The following CNTN1 variants were observed in gnomAD, a reference collection of about 807,000 sequenced individuals.
The protein encoded by CNTN1 is contactin-1.
CNTN1 carries 38 observed loss-of-function variants against 126.4 expected under a neutral mutation model. That is an observed-to-expected ratio of 0.30 (90% CI 0.23 to 0.39). CNTN1 has a LOEUF of 0.39. Among genes scored for constraint, CNTN1 ranks in the 10% least tolerant of loss-of-function variants. The pLI, the probability that CNTN1 is intolerant of heterozygous loss-of-function variation, is 1.00. For synonymous variants in CNTN1, 413 were observed against 422.6 expected (o/e 0.98, Z 0.28); for missense variants, 1,009 against 1,248.4 (o/e 0.81, Z 2.89).
intron 4 of CNTN1, among the ~76,000 whole-genome samples, chr12:40,921,803 T>C (rs1945452296): frequency 6.6e-6 from 1 of 152,120 alleles, no homozygotes. Context: ...CACTGTCAAT[T>C]AGTTTGTTTT....
At chr12:40,888,956 C>A (rs1028830102) in intron 1 of CNTN1, among the ~76,000 whole-genome samples, 6 of 152,254 alleles carry the variant, frequency 3.9e-5, no homozygotes, top group Admixed American at 6.5e-5. Context: ...TCGGTTCACT[C>A]CACAGCGTCT....
At chr12:40,987,106 G>A (rs1206040295) in intron 16 of CNTN1, among the ~76,000 whole-genome samples, 1 of 152,048 alleles carries the variant, frequency 6.6e-6, no homozygotes, top group Non-Finnish European at 1.5e-5. Flanking sequence ...GTTCTCTTGT[G>A]ACTGCATCCT....
At chr12:40,986,677 T>C (rs1947961360) in intron 16 of CNTN1, among the ~76,000 whole-genome samples, 1 of 152,156 alleles carries the variant, frequency 6.6e-6, no homozygotes, top group Non-Finnish European at 1.5e-5. Context: ...CCAAAGCACC[T>C]GTCCCTCAAG....
At chr12:40,818,486 C>T (rs1380008826) in intron 1 of CNTN1, among the ~76,000 whole-genome samples, 1 of 152,216 alleles carries the variant, frequency 6.6e-6, no homozygotes, top group East Asian at 1.9e-4. Context: ...GTATGCATCA[C>T]GAAGTACTCG....
At chr12:40,970,813 C>G (rs1045670447) in intron 15 of CNTN1, among the ~76,000 whole-genome samples, 1 of 152,104 alleles carries the variant, frequency 6.6e-6, no homozygotes, top group African/African-American at 2.4e-5. Context: ...TGGTCTTAGG[C>G]TAGTCTATTA....
At chr12:40,902,009 A>T (rs773084432) in intron 1 of CNTN1, among the ~76,000 whole-genome samples, 1 of 152,208 alleles carries the variant, frequency 6.6e-6, no homozygotes, top group Non-Finnish European at 1.5e-5. Flanking sequence ...TAATCCAAAA[A>T]TTAACTGGAG....
At chr12:40,771,505 A>G (rs1425363291) in intron 1 of CNTN1, among the ~76,000 whole-genome samples, 1 of 152,060 alleles carries the variant, frequency 6.6e-6, no homozygotes, top group Non-Finnish European at 1.5e-5. Flanking sequence ...ATATGTTCTT[A>G]TTTAGACAGC....
At chr12:40,883,312 G>T (rs1472324895) in intron 1 of CNTN1, among the ~76,000 whole-genome samples, 1 of 151,512 alleles carries the variant, frequency 6.6e-6, no homozygotes, top group Non-Finnish European at 1.5e-5. Flanking sequence ...CATGGTGTCT[G>T]TTCTTTTTCA....
At chr12:40,903,287 C>G (rs1192316447) in intron 1 of CNTN1, among the ~76,000 whole-genome samples, 1 of 151,940 alleles carries the variant, frequency 6.6e-6, no homozygotes, top group Non-Finnish European at 1.5e-5. Flanking sequence ...GCCTCAGGAA[C>G]AGGAATGCAC....
In CNTN1 at chr12:40,908,410, A is replaced by G; in HGVS notation, c.-23A>G. 6.2e-7 allele frequency: 1 copy of G among 1,609,736 alleles called. No homozygotes were observed. The highest frequency in any genetic ancestry group is 8.5e-7 in the Non-Finnish European group (1 of 1,176,728). On this transcript the variant is annotated 5_prime_UTR_variant, in exon 2 of 24. Coordinates refer to ENST00000551295, the MANE Select transcript of CNTN1 (RefSeq NM_001843.4). ...GCTAAATTCTTTTTTGGAAAATTGA[A>G]CCGAACTTCTACTGAATACAAGATG...
intron 1 of CNTN1, among the ~76,000 whole-genome samples, chr12:40,785,578 T>A (rs1939985594): frequency 6.6e-6 from 1 of 152,178 alleles, no homozygotes; most frequent in South Asian, 2.1e-4. Context: ...AGGAGCAATG[T>A]TTTGTGGGCA....
At chr12:40,840,040 A>C (rs1942214045) in intron 1 of CNTN1, among the ~76,000 whole-genome samples, 1 of 152,120 alleles carries the variant, frequency 6.6e-6, no homozygotes, top group Non-Finnish European at 1.5e-5. Context: ...TCCACTTAAA[A>C]GTTATAGACT....
chr12:40,698,786 T>C (rs1941519449), intron 1 of CNTN1, among the ~76,000 whole-genome samples: 2 of 152,166 alleles, frequency 1.3e-5, no homozygotes, highest in African/African-American at 2.4e-5. Context: ...GCACCTAAAG[T>C]CCTTTATTAA....
intron 1 of CNTN1, among the ~76,000 whole-genome samples, chr12:40,862,915 A>G (rs1204708852): frequency 6.6e-6 from 1 of 152,192 alleles, no homozygotes; most frequent in Non-Finnish European, 1.5e-5. Flanking sequence ...GAAATCTACC[A>G]TTACTATAAA....
At chr12:41,028,421 T>G (rs1239868245) in intron 22 of CNTN1, among the ~76,000 whole-genome samples, 1 of 152,166 alleles carries the variant, frequency 6.6e-6, no homozygotes, top group African/African-American at 2.4e-5. Context: ...AAACATTATC[T>G]TCAGTGAATT....
chr12:40,763,519 G>T (rs919048612), intron 1 of CNTN1, among the ~76,000 whole-genome samples: 1 of 152,118 alleles, frequency 6.6e-6, no homozygotes, highest in Admixed American at 6.5e-5. Context: ...GCAGAGGGAA[G>T]AAACACATTG....
At chr12:40,875,365 A>T (rs1397841639) in intron 1 of CNTN1, among the ~76,000 whole-genome samples, 12 of 152,000 alleles carry the variant, frequency 7.9e-5, no homozygotes, top group Admixed American at 6.6e-4. Flanking sequence ...CACCACAATG[A>T]TCCCTCCTGT....
chr12:40,692,852 G>T (rs887102914), intron 1 of CNTN1, among the ~76,000 whole-genome samples: 4 of 152,280 alleles, frequency 2.6e-5, no homozygotes, highest in Non-Finnish European at 5.9e-5. Context: ...CCGAGCTCGG[G>T]GTCTGTGTCT....
chr12:40,889,205 T>C (rs1183863385), intron 1 of CNTN1, among the ~76,000 whole-genome samples: 1 of 152,176 alleles, frequency 6.6e-6, no homozygotes, highest in East Asian at 1.9e-4. Flanking sequence ...GCTGGGCCTA[T>C]AATTAAAATC....
Sources: gnomAD v4.1 joint callset for allele counts (sites outside exome capture counted in the v4.1 genomes callset) on GRCh38, gnomAD v4.1.1 for gene constraint, MANE v1.5 for transcripts, NCBI Gene and HGNC (gene_info 2026-07-23, HGNC 2026-07-21) for gene names.